The following VSIG1 variants were observed in gnomAD, a reference collection of about 807,000 sequenced individuals.
The protein encoded by VSIG1 is V-set and immunoglobulin domain containing 1, also known as V-set and immunoglobulin domain-containing protein 1.
In VSIG1, 11 loss-of-function variants were observed where a neutral mutation model predicts 20.1. The observed-to-expected ratio is 0.55, with a 90% CI of 0.34 to 0.91. VSIG1 has a LOEUF of 0.91. Ranked by LOEUF, VSIG1 falls within the 40% of genes least tolerant of loss-of-function variation. The pLI is 0.02. For missense variants in VSIG1, 283 were observed against 298.8 expected, an observed-to-expected ratio of 0.95 and a Z score of 0.39; for synonymous variants, 126 against 116.7, an observed-to-expected ratio of 1.08 and a Z score of -0.52.
In VSIG1 at chrX:108,077,569, A is replaced by G; in HGVS notation, c.*188A>G. 2.2e-6 allele frequency: 1 copy of G among 453,587 alleles called. No individual in the cohort carries two copies. The highest frequency in any genetic ancestry group is 3.6e-6 in the Non-Finnish European group (1 of 275,075). 37.4% of individuals were successfully genotyped at this position (453,587 alleles called of 1,213,427 possible). Reference sequence around the variant, plus strand: ...CAGCTAAATCAGCAAGGGTTCCTGTATTACCAATATAGAATACTAACAATT... The same window carrying G: ...CAGCTAAATCAGCAAGGGTTCCTGTGTTACCAATATAGAATACTAACAATT... On this transcript the variant is annotated 3_prime_UTR_variant, in exon 7 of 7. Coordinates refer to ENST00000217957, the MANE Select transcript of VSIG1 (RefSeq NM_182607.5).
chrX:108,044,775 C>G (rs2030534426), upstream of VSIG1, among the ~76,000 whole-genome samples: 1 of 111,959 alleles, frequency 8.9e-6, no homozygotes, highest in South Asian at 3.7e-4. Context: ...TGCATAGGCT[C>G]TCTTCCAACC....
rs747485590 is a variant in VSIG1, at chrX:108,045,629, C to T, written c.49+450C>T. Among the ~76,000 whole-genome samples, 3 of 112,333 alleles carry T rather than the reference C, an allele frequency of 2.7e-5. No individual in the cohort carries two copies. In the East Asian group the frequency reaches 8.4e-4, roughly 31 times the overall value. ...GGGAAGAACAGAAATTTACTGAGTA[C>T]TTTACTGTCTAATATTTCTTAAGGA... On this transcript the variant is annotated intron_variant, in intron 1 of 6. Transcript: ENST00000217957.
chrX:108,033,730 G>A, the VSIG1 span, among the ~76,000 whole-genome samples: 2 of 110,530 alleles, frequency 1.8e-5, no homozygotes, highest in African/African-American at 6.6e-5. Context: ...AGCTGAGACT[G>A]TTAGAAAACC....
At chrX:108,032,297 A>G in the VSIG1 span, among the ~76,000 whole-genome samples, 1 of 112,458 alleles carries the variant, frequency 8.9e-6, no homozygotes, top group South Asian at 3.7e-4. Flanking sequence ...ATATGTTTAC[A>G]AAGCCACTTT....
At position 108,067,097 on chromosome X, in the gene VSIG1, C is replaced by T. The variant is rs778085690; in HGVS notation, c.375C>T (p.Leu125=). 9.9e-6 allele frequency: 12 copies of T among 1,209,546 alleles called. No homozygotes were observed. The highest frequency in any genetic ancestry group is 7.0e-5 in the African/African-American group (4 of 57,031). Residue 125 remains leucine, a synonymous_variant, in exon 3 of 7, where the codon CTC becomes CTT. Coordinates refer to ENST00000217957, the MANE Select transcript of VSIG1 (RefSeq NM_182607.5). Reference sequence around the variant, plus strand: ...ATGTTAACAACCCCCCAGACTTTCTCGGCCAAAACCAAGGCATCCTCAACG... The same window carrying T: ...ATGTTAACAACCCCCCAGACTTTCTTGGCCAAAACCAAGGCATCCTCAACG... ...ICDVNNPPDF[L]GQNQGILNVS... is the part of the protein sequence containing the mutation.
At chrX:108,076,452 T>C (rs1169111883) in intron 6 of VSIG1, among the ~76,000 whole-genome samples, 1 of 112,383 alleles carries the variant, frequency 8.9e-6, no homozygotes, top group East Asian at 2.8e-4. Flanking sequence ...ACAACAGTTT[T>C]AGGTCCAAGA....
the VSIG1 span, among the ~76,000 whole-genome samples, chrX:108,026,980 A>G: frequency 8.9e-6 from 1 of 111,969 alleles, no homozygotes; most frequent in Non-Finnish European, 1.9e-5. Context: ...ACATTGGGAT[A>G]CTACTTCACA....
In VSIG1 at chrX:108,045,087, A is replaced by T. The variant is rs1329444421; in HGVS notation, c.-44A>T. The T allele has an allele frequency of 2.7e-6, 3 of 1,127,679 alleles. No homozygotes were observed. The highest frequency in any genetic ancestry group is 3.6e-6 in the Non-Finnish European group (3 of 844,197). The allele number at this position is 1,127,679 out of a possible 1,213,427, so 92.9% of individuals were successfully genotyped here. A position where few individuals can be genotyped will look rare whatever the true frequency, so the allele number is the denominator to read the frequency against. ...GCCAATTTGAGACTCAGCCTAGTCCAGGCAAGCTACTGGCACCTGCTGCTC... is the reference window on the plus strand; with the variant it reads ...GCCAATTTGAGACTCAGCCTAGTCCTGGCAAGCTACTGGCACCTGCTGCTC... On this transcript the variant is annotated 5_prime_UTR_variant, in exon 1 of 7. Transcript: ENST00000217957.
At chrX:108,054,953 A>G (rs2030864112) in intron 1 of VSIG1, among the ~76,000 whole-genome samples, 1 of 107,716 alleles carries the variant, frequency 9.3e-6, no homozygotes, top group South Asian at 4.1e-4. Flanking sequence ...AAGGAAGGGA[A>G]TAATAAAGAG....
chrX:108,069,821 G>A (rs994389534), intron 3 of VSIG1, among the ~76,000 whole-genome samples: 3 of 111,662 alleles, frequency 2.7e-5, no homozygotes, highest in Non-Finnish European at 5.6e-5. Context: ...TTCAGTGGAG[G>A]TATGAGAGGA....
chrX:108,048,246 G>A (rs1008628532), intron 1 of VSIG1, among the ~76,000 whole-genome samples: 3 of 108,529 alleles, frequency 2.8e-5, no homozygotes, highest in South Asian at 3.9e-4. Context: ...CAGGCGACCC[G>A]CCCACCTCAG....
the VSIG1 span, among the ~76,000 whole-genome samples, chrX:108,036,427 G>A: frequency 2.7e-5 from 3 of 110,642 alleles, no homozygotes; most frequent in East Asian, 2.9e-4. Context: ...TGTACAGTGC[G>A]TCAACACAAA....
At chrX:108,063,553 G>A (rs909357008) in intron 2 of VSIG1, among the ~76,000 whole-genome samples, 17 of 110,981 alleles carry the variant, frequency 1.5e-4, no homozygotes, top group African/African-American at 4.3e-4. Flanking sequence ...TGACTTTTCC[G>A]TTCCCTGCAG....
chrX:108,021,655 A>C, the VSIG1 span, among the ~76,000 whole-genome samples: 1 of 112,353 alleles, frequency 8.9e-6, no homozygotes, highest in Admixed American at 9.4e-5. Flanking sequence ...ATTTACACCG[A>C]TGTTTTCTTC....
chrX:108,072,610 G>A (rs2031271544), intron 3 of VSIG1, 67 bp from the exon 4 acceptor site: 37 of 1,019,965 alleles, frequency 3.6e-5, no homozygotes, highest in Non-Finnish European at 5.0e-5. Context: ...AAGTGAGGAA[G>A]TGACTGCAAT....
chrX:108,059,560 C>G (rs1012970137), intron 2 of VSIG1, among the ~76,000 whole-genome samples: 4 of 111,871 alleles, frequency 3.6e-5, no homozygotes, highest in Non-Finnish European at 7.5e-5. Context: ...TAAGTTTTAT[C>G]CCTTGTAAAC....
At chrX:108,028,542 G>T in the VSIG1 span, among the ~76,000 whole-genome samples, 4 of 111,147 alleles carry the variant, frequency 3.6e-5, no homozygotes, top group Non-Finnish European at 7.6e-5. Context: ...GTGTGAGGGG[G>T]CTTGCAATGT....
the VSIG1 span, among the ~76,000 whole-genome samples, chrX:108,036,193 C>G: frequency 9.5e-6 from 1 of 105,538 alleles, no homozygotes; most frequent in African/African-American, 3.5e-5. Flanking sequence ...TAATTTCACT[C>G]AGGTATGGCA....
chrX:108,040,692 G>C (rs1271952920), upstream of VSIG1, among the ~76,000 whole-genome samples: 2 of 111,726 alleles, frequency 1.8e-5, no homozygotes, highest in Non-Finnish European at 3.8e-5. Context: ...AATAAATTGA[G>C]GTACATTCAT....
Sources: allele counts gnomAD v4.1 joint callset (sites outside exome capture counted in the v4.1 genomes callset), GRCh38; gene constraint gnomAD v4.1.1; transcripts MANE v1.5; gene names NCBI Gene and HGNC (gene_info 2026-07-23, HGNC 2026-07-21).